The following CSDE1 variants were observed in gnomAD, a reference collection of about 807,000 sequenced individuals.
CSDE1 encodes cold shock domain containing E1, also known as cold shock domain-containing protein E1.
Under a neutral mutation model 89.3 loss-of-function variants are expected in CSDE1, and 17 were observed. The ratio of observed to expected loss-of-function variants is 0.19; its 90% confidence interval spans 0.13 to 0.29. The LOEUF is 0.29. CSDE1 is among the 10% of genes least tolerant of loss of function. CSDE1 has a pLI of 1.00. For missense variants in CSDE1, 672 were observed against 984.2 expected, an observed-to-expected ratio of 0.68 and a Z score of 4.24; for synonymous variants, 322 against 332.8, an observed-to-expected ratio of 0.97 and a Z score of 0.35.
At chr1:114,745,013 T>C (rs1660940263) in intron 2 of CSDE1, among the ~76,000 whole-genome samples, 1 of 151,692 alleles carries the variant, frequency 6.6e-6, no homozygotes, top group Non-Finnish European at 1.5e-5. Flanking sequence ...AAAAAAAAAC[T>C]TGAATTTTTG....
intron 2 of CSDE1, among the ~76,000 whole-genome samples, chr1:114,742,399 T>A (rs1198457715): frequency 6.6e-6 from 1 of 151,934 alleles, no homozygotes; most frequent in Non-Finnish European, 1.5e-5. Context: ...ACGGCCAACA[T>A]GGTGAAAGCC....
chr1:114,756,780 A>C (rs940221083), intron 1 of CSDE1: 1 of 152,216 alleles, frequency 6.6e-6, no homozygotes, highest in Non-Finnish European at 1.5e-5. Context: ...AACTTGCCCA[A>C]CAACGTTCAG....
At chr1:114,744,454 C>G (rs867449488) in intron 2 of CSDE1, among the ~76,000 whole-genome samples, 5 of 151,980 alleles carry the variant, frequency 3.3e-5, no homozygotes, top group Non-Finnish European at 2.9e-5. Context: ...AGCTGGATGC[C>G]TATAGTTCCA....
chr1:114,721,156 A>C (rs779950210), intron 16 of CSDE1, among the ~76,000 whole-genome samples: 38 of 152,170 alleles, frequency 2.5e-4, no homozygotes, highest in Non-Finnish European at 2.8e-4. Flanking sequence ...AATTTAGATA[A>C]ATTTGACACC....
chr1:114,720,245 A>G, intron 17 of CSDE1: 2 of 281,554 alleles, frequency 7.1e-6, no homozygotes, highest in South Asian at 9.4e-5. Flanking sequence ...AGCTCTAAGC[A>G]AAAGTGTACA....
At chr1:114,739,670 C>CA (rs761098914) in intron 3 of CSDE1, 22 bp downstream of exon 3, 1 of 1,579,192 alleles carries the variant, frequency 6.3e-7, no homozygotes, top group Non-Finnish European at 8.7e-7. Flanking sequence ...TACATTTTTA[C>CA]AAAGGAGAAC....
chr1:114,757,849 C>G (rs1661703237), intron 1 of CSDE1, 76 bp downstream of exon 1: 2 of 152,744 alleles, frequency 1.3e-5, no homozygotes, highest in African/African-American at 4.8e-5. Flanking sequence ...GAAGGCTTCT[C>G]GTTAGCCTTG....
Position 114,732,744 on chromosome 1 carries a change from T to A in CSDE1, c.910A>T (p.Thr304Ser). Residue 304 changes from threonine to serine, a missense_variant, in exon 10 of 20, where the codon ACG (threonine) becomes TCG (serine). Around this residue, in one of 8 missense-constraint regions of CSDE1, gnomAD observed 169 missense variants for 262.9 expected, o/e 0.64. Coordinates refer to ENST00000358528, the MANE Select transcript of CSDE1 (RefSeq NM_001007553.3). ...TCCAGCAGGGTCACCTTGGATTTCG[T>A]ATCTTTGTCTCCAAAGGGAAGTTCT... The part of the protein sequence containing the change: ...PKELPFGDKD[T>S]KSKVTLLEGD... 1 of 1,614,206 alleles carries A rather than the reference T, an allele frequency of 6.2e-7. No individual in the cohort carries two copies. Among genetic ancestry groups the A allele is most frequent in the Non-Finnish European group, 8.5e-7 (1 of 1,180,022 alleles).
At chr1:114,728,526 TAAGA>T (rs959917931) in intron 12 of CSDE1, among the ~76,000 whole-genome samples, 56 of 151,814 alleles carry the variant, frequency 3.7e-4, no homozygotes, top group African/African-American at 1.0e-3. Flanking sequence ...ACTGTTGGAC[TAAGA>T]AAGAAAAAAA....
At chr1:114,720,518 T>C (rs1439519437) in intron 17 of CSDE1, 21 bp downstream of exon 17, 3 of 1,588,022 alleles carry the variant, frequency 1.9e-6, no homozygotes, top group Non-Finnish European at 1.7e-6. Flanking sequence ...CAAATTCAGA[T>C]ACAGAGATGC....
chr1:114,754,909 G>T (rs1211135495), intron 1 of CSDE1, among the ~76,000 whole-genome samples: 1 of 152,140 alleles, frequency 6.6e-6, no homozygotes. Context: ...TGGCAGTGTG[G>T]GAAGATGCTG....
chr1:114,751,602 T>A (rs1273625455), intron 1 of CSDE1, among the ~76,000 whole-genome samples: 2 of 152,168 alleles, frequency 1.3e-5, no homozygotes, highest in East Asian at 3.8e-4. Flanking sequence ...CATACACTTG[T>A]CTGATCTTTC....
chr1:114,734,999 A>C (rs1192954477), intron 6 of CSDE1, among the ~76,000 whole-genome samples: 1 of 152,240 alleles, frequency 6.6e-6, no homozygotes, highest in African/African-American at 2.4e-5. Flanking sequence ...CTCTATTTTC[A>C]GTGAGTGCTA....
At chr1:114,730,156 G>A in intron 12 of CSDE1, 102 bp downstream of exon 12, 1 of 1,324,448 alleles carries the variant, frequency 7.6e-7, no homozygotes, top group Non-Finnish European at 1.0e-6. Context: ...AATTCTGAAA[G>A]AGACAAACTT....
chr1:114,751,072 TG>T (rs1487443856), intron 1 of CSDE1, among the ~76,000 whole-genome samples: 1 of 152,214 alleles, frequency 6.6e-6, no homozygotes, highest in Non-Finnish European at 1.5e-5. Context: ...TTCAACGTGA[TG>T]TAACAGGAAA....
chr1:114,753,168 A>C (rs903587448), intron 1 of CSDE1, among the ~76,000 whole-genome samples: 1 of 152,234 alleles, frequency 6.6e-6, no homozygotes. Flanking sequence ...AAAGAACTCA[A>C]CATGGAGAAA....
At position 114,726,076 on chromosome 1, in the gene CSDE1, A is replaced by G. The variant is rs185226205; in HGVS notation, c.1640+135T>C. On this transcript the variant is annotated intron_variant, in intron 14 of 19. Coordinates refer to ENST00000358528, the MANE Select transcript of CSDE1 (RefSeq NM_001007553.3). ...TAAGATCAGTGATTAACTTCAGTTTATATCTTGCCATAATTCTACCAATAT... is the reference window on the plus strand; with the variant it reads ...TAAGATCAGTGATTAACTTCAGTTTGTATCTTGCCATAATTCTACCAATAT... 15 of 907,850 alleles carry G rather than the reference A, an allele frequency of 1.7e-5. No homozygotes were observed. In the African/African-American group the frequency reaches 2.4e-4, roughly 14 times the overall value. 56.2% of individuals were successfully genotyped at this position (907,850 alleles called of 1,614,324 possible).
At chr1:114,726,503 T>A in intron 13 of CSDE1, 117 bp from the exon 14 acceptor site, 1 of 747,036 alleles carries the variant, frequency 1.3e-6, no homozygotes. Context: ...ATATCCTTTG[T>A]TATTACTTCA....
chr1:114,720,769 C>CTGA, intron 16 of CSDE1, 52 bp from the exon 17 acceptor site: 1 of 1,534,840 alleles, frequency 6.5e-7, no homozygotes, highest in Non-Finnish European at 8.9e-7. Flanking sequence ...CAGTCCTCTG[C>CTGA]TGATGACCCT....
Sources: gnomAD v4.1 joint callset for allele counts (sites outside exome capture counted in the v4.1 genomes callset) on GRCh38, gnomAD v4.1.1 for gene constraint, gnomAD v4.1.1 regional missense constraint, MANE v1.5 for transcripts, NCBI Gene and HGNC (gene_info 2026-07-23, HGNC 2026-07-21) for gene names.